The following COL10A1 variants were observed in gnomAD, a reference collection of about 807,000 sequenced individuals.
The protein encoded by COL10A1 is collagen type X alpha 1 chain, also known as collagen alpha-1(X) chain.
In COL10A1, 10 loss-of-function variants were observed where a neutral mutation model predicts 18.2. The ratio of observed to expected loss-of-function variants is 0.55; its 90% CI spans 0.34 to 0.93. The LOEUF (loss-of-function observed/expected upper bound fraction) is 0.93, where lower values mean the gene tolerates loss of function less well. Among genes scored for constraint, COL10A1 ranks in the 40% least tolerant of loss-of-function variants. The probability of loss-of-function intolerance (pLI) is 0.02; values close to 1 mark genes in which losing one functional copy is unlikely to be tolerated. For missense variants in COL10A1, 897 were observed against 853.5 expected (o/e 1.05, Z -0.64); for synonymous variants, 330 against 316.6 (o/e 1.04, Z -0.45).
chr6:116,145,012 A>G (rs989161852), intron 1 of COL10A1, among the ~76,000 whole-genome samples: 21 of 152,220 alleles, frequency 1.4e-4, no homozygotes, highest in Admixed American at 1.2e-3. Context: ...ATTATGTACC[A>G]ATTATAGATT....
chr6:116,204,936 A>C, the COL10A1 span, among the ~76,000 whole-genome samples: 6 of 151,982 alleles, frequency 3.9e-5, no homozygotes, highest in Non-Finnish European at 7.4e-5. Flanking sequence ...ATTGCACAAA[A>C]TGTGTACTAG....
Position 116,119,820 on chromosome 6 carries a change from AT to A in COL10A1, c.*252del. On this transcript the variant is annotated 3_prime_UTR_variant, in exon 3 of 3. Transcript: ENST00000651968. ...AACATAGCAGGACTTCTTTGGTGAT[AT>A]TTTTTAATATTGGAGAAAACCTTAA... 2.6e-6 allele frequency: 1 copy of A among 389,158 alleles called. No individual in the cohort carries two copies. Among genetic ancestry groups the A allele is most frequent in the Non-Finnish European group, 4.5e-6 (1 of 220,008 alleles). The allele number at this position is 389,158 out of a possible 1,614,324, so 24.1% of individuals were successfully genotyped here.
intron 1 of COL10A1, among the ~76,000 whole-genome samples, chr6:116,148,759 C>T (rs2114389648): frequency 6.6e-6 from 1 of 152,122 alleles, no homozygotes; most frequent in South Asian, 2.1e-4. Flanking sequence ...GTTTATTATT[C>T]AGATATATGT....
Position 116,119,675 on chromosome 6 carries a change from C to T in COL10A1, c.*398G>A, listed in dbSNP as rs564123218. 16 of 180,644 alleles carry T rather than the reference C, an allele frequency of 8.9e-5. No homozygotes were observed. The East Asian group carries it at 2.2e-3, about 25-fold the overall frequency. The allele number at this position is 180,644 out of a possible 1,614,324, so 11.2% of individuals were successfully genotyped here. A position where few individuals can be genotyped will look rare whatever the true frequency, so the allele number is the denominator to read the frequency against. Reference sequence around the variant, plus strand: ...AAGTTCTCATATTCATAGTTAGAAACAGGCTTTTTTAAAAAGGAAATGCCG... The same window carrying T: ...AAGTTCTCATATTCATAGTTAGAAATAGGCTTTTTTAAAAAGGAAATGCCG... On this transcript the variant is annotated 3_prime_UTR_variant, in exon 3 of 3. Transcript: ENST00000651968.
the COL10A1 span, among the ~76,000 whole-genome samples, chr6:116,189,825 A>C: frequency 6.6e-6 from 1 of 152,048 alleles, no homozygotes; most frequent in South Asian, 2.1e-4. Context: ...GGTAGACAGC[A>C]GTTACTTAGT....
chr6:116,163,610 C>T (rs182858206), upstream of COL10A1, among the ~76,000 whole-genome samples: 362 of 152,062 alleles, frequency 2.4e-3, 5 homozygotes, highest in African/African-American at 8.1e-3. Context: ...ATTTTAGTCT[C>T]AATTGTATTT....
intron 1 of COL10A1, 144 bp downstream of exon 1, chr6:116,125,909 A>G (rs1562127749): frequency 6.2e-6 from 1 of 161,272 alleles, no homozygotes; most frequent in Non-Finnish European, 1.4e-5. Context: ...ATGCAAAAAG[A>G]ACTTTTGGAG....
chr6:116,163,126 C>CAAAA (rs71272373), upstream of COL10A1, among the ~76,000 whole-genome samples: 112 of 84,284 alleles, frequency 1.3e-3, no homozygotes, highest in African/African-American at 4.9e-3. Flanking sequence ...GACTCCGTCT[C>CAAAA]AAAAAAAAAA....
At chr6:116,154,637 G>C (rs1385949900) in intron 1 of COL10A1, among the ~76,000 whole-genome samples, 2 of 149,410 alleles carry the variant, frequency 1.3e-5, no homozygotes, top group Non-Finnish European at 3.0e-5. Flanking sequence ...TGTTTATTTG[G>C]TAAACTTACA....
the COL10A1 span, among the ~76,000 whole-genome samples, chr6:116,166,194 C>T: frequency 6.6e-6 from 1 of 152,168 alleles, no homozygotes; most frequent in Non-Finnish European, 1.5e-5. Context: ...CTTTCCTTTT[C>T]TGCAACCCCA....
chr6:116,190,481 G>C, the COL10A1 span, among the ~76,000 whole-genome samples: 3 of 152,032 alleles, frequency 2.0e-5, no homozygotes, highest in Middle Eastern at 3.4e-3. Context: ...ACAGAAGTTA[G>C]CGGCAGTGGT....
At position 116,119,977 on chromosome 6, in the gene COL10A1, A is replaced by G. The variant is rs1017842477; in HGVS notation, c.*96T>C. 9.0e-6 allele frequency: 10 copies of G among 1,114,860 alleles called. No homozygotes were observed. Among genetic ancestry groups the G allele is most frequent in the Admixed American group, 5.3e-5 (3 of 56,954 alleles). 69.1% of individuals were successfully genotyped at this position (1,114,860 alleles called of 1,614,324 possible). On this transcript the variant is annotated 3_prime_UTR_variant, in exon 3 of 3. Coordinates refer to ENST00000651968, the MANE Select transcript of COL10A1 (RefSeq NM_000493.4). ...CTGTATTTCAGAAAATAAAAATTAC[A>G]TTCTTTTCAGCCTACCTCCATATGC...
the COL10A1 span, among the ~76,000 whole-genome samples, chr6:116,177,229 T>A: frequency 1.3e-5 from 2 of 152,206 alleles, no homozygotes; most frequent in Non-Finnish European, 2.9e-5. Flanking sequence ...TCTCATAGAT[T>A]ATGTTTCTTT....
chr6:116,125,254 A>T, intron 2 of COL10A1, 85 bp downstream of exon 2: 1 of 1,475,258 alleles, frequency 6.8e-7, no homozygotes, highest in Non-Finnish European at 9.3e-7. Context: ...CACCAAAGTT[A>T]AATGCATTTT....
the COL10A1 span, among the ~76,000 whole-genome samples, chr6:116,169,722 T>G: frequency 6.6e-6 from 1 of 152,198 alleles, no homozygotes; most frequent in Non-Finnish European, 1.5e-5. Flanking sequence ...GGGTTTGAGA[T>G]ACCCATGTGA....
chr6:116,138,965 G>C (rs1159453373), intron 1 of COL10A1, among the ~76,000 whole-genome samples: 1 of 152,020 alleles, frequency 6.6e-6, no homozygotes, highest in East Asian at 1.9e-4. Context: ...TGACCAGTAG[G>C]ATTTGTATAA....
At chr6:116,204,850 T>C in the COL10A1 span, among the ~76,000 whole-genome samples, 3 of 152,028 alleles carry the variant, frequency 2.0e-5, no homozygotes, top group Non-Finnish European at 2.9e-5. Flanking sequence ...GCTCAGTAAT[T>C]ATTTGTTATA....
upstream of COL10A1, among the ~76,000 whole-genome samples, chr6:116,128,070 C>T (rs1779368595): frequency 6.6e-6 from 1 of 151,946 alleles, no homozygotes. Flanking sequence ...CCAGTTAGTA[C>T]TTATTAGAGA....
intron 1 of COL10A1, among the ~76,000 whole-genome samples, chr6:116,153,708 G>C (rs1780110297): frequency 6.6e-6 from 1 of 152,090 alleles, no homozygotes; most frequent in African/African-American, 2.4e-5. Flanking sequence ...GCAACAGACA[G>C]TTGGAGTTCA....
Sources: allele counts gnomAD v4.1 joint callset (sites outside exome capture counted in the v4.1 genomes callset), GRCh38; gene constraint gnomAD v4.1.1; transcripts MANE v1.5; gene names NCBI Gene and HGNC (gene_info 2026-07-23, HGNC 2026-07-21).